Variants in PTPRG observed in about 807,000 individuals in gnomAD.
PTPRG encodes the protein receptor-type tyrosine-protein phosphatase gamma.
A neutral mutation model predicts 165.3 loss-of-function variants in PTPRG; 102 were observed. The ratio of observed to expected loss-of-function variants is 0.62; its 90% CI spans 0.53 to 0.73. The LOEUF (loss-of-function observed/expected upper bound fraction) is 0.73. PTPRG is among the 30% of genes least tolerant of loss of function. The pLI, the probability that PTPRG is intolerant of heterozygous loss-of-function variation, is 0.00. For synonymous variants in PTPRG, 675 were observed against 669.5 expected (o/e 1.01, Z -0.13); for missense variants, 1,866 against 1,861.4 (o/e 1.00, Z -0.05).
At chr3:61,938,986 T>C (rs115117363) in intron 2 of PTPRG, among the ~76,000 whole-genome samples, 74 of 152,334 alleles carry the variant, frequency 4.9e-4, no homozygotes, top group Admixed American at 9.8e-4. Context: ...TCAATCATAT[T>C]TGCTTGGGAT....
rs961842112 is a variant in PTPRG at position 62,292,316 on chromosome 3, A to C, written c.4056-105A>C. ...AGTCGTGTCTTTAGAGTAAATGTCA[A>C]AACAGTCTACTTAGTTTCTATGAAA... On this transcript the variant is annotated intron_variant, in intron 28 of 29. Transcript: ENST00000474889. 111 of 1,279,326 alleles carry C rather than the reference A, an allele frequency of 8.7e-5. 1 individual carries two copies. Among genetic ancestry groups the C allele is most frequent in the Non-Finnish European group, 1.1e-4 (99 of 926,492 alleles). The allele number at this position is 1,279,326 out of a possible 1,614,324, so 79.2% of individuals were successfully genotyped here.
At chr3:62,043,521 T>G (rs1352293266) in intron 4 of PTPRG, among the ~76,000 whole-genome samples, 5 of 152,198 alleles carry the variant, frequency 3.3e-5, no homozygotes, top group Non-Finnish European at 7.4e-5. Flanking sequence ...ACAAAGATAA[T>G]AAGAAGGCAA....
intron 2 of PTPRG, among the ~76,000 whole-genome samples, chr3:61,790,704 C>T (rs2034844683): frequency 6.6e-6 from 1 of 151,370 alleles, no homozygotes; most frequent in African/African-American, 2.4e-5. Context: ...AATTCTCAGT[C>T]TCAGAATCCC....
chr3:61,999,605 A>G (rs535030768), intron 3 of PTPRG, among the ~76,000 whole-genome samples: 2 of 152,190 alleles, frequency 1.3e-5, no homozygotes, highest in East Asian at 3.9e-4. Context: ...TTTTAGATTA[A>G]ATTTTATTTG....
intron 5 of PTPRG, among the ~76,000 whole-genome samples, chr3:62,126,369 A>C (rs763317150): frequency 7.2e-5 from 11 of 152,230 alleles, no homozygotes; most frequent in Non-Finnish European, 1.3e-4. Flanking sequence ...TGAATTAACT[A>C]GTTTCCATTA....
rs540949837 is a variant in PTPRG at position 61,683,483 on chromosome 3, C to G, written c.86-65395C>G. ...GTGGTTCCCATACTATTCAGTTAAC[C>G]AAGCAGCCAAATCCCTCTCTACACT... On this transcript the variant is annotated intron_variant, in intron 1 of 29. Coordinates refer to ENST00000474889, the MANE Select transcript of PTPRG (RefSeq NM_002841.4). Among the ~76,000 whole-genome samples the G allele has an allele frequency of 8.5e-5, 13 of 152,302 alleles. No individual in the cohort carries two copies. The South Asian group carries it at 2.7e-3, about 32-fold the overall frequency.
At chr3:61,960,250 G>A (rs1284652090) in intron 2 of PTPRG, among the ~76,000 whole-genome samples, 1 of 151,654 alleles carries the variant, frequency 6.6e-6, no homozygotes. Context: ...TATCCAGTAG[G>A]AGCCCCGTAA....
chr3:61,655,116 G>A (rs1702474336), intron 1 of PTPRG, among the ~76,000 whole-genome samples: 1 of 152,078 alleles, frequency 6.6e-6, no homozygotes, highest in Admixed American at 6.5e-5. Flanking sequence ...ATTGAGGTGT[G>A]CGGCAGGAGT....
chr3:61,728,931 A>G (rs1302931754), intron 1 of PTPRG, among the ~76,000 whole-genome samples: 1 of 151,556 alleles, frequency 6.6e-6, no homozygotes, highest in African/African-American at 2.4e-5. Context: ...ACATGGTGGC[A>G]TGTTCCTGTA....
intron 5 of PTPRG, among the ~76,000 whole-genome samples, chr3:62,083,381 A>G (rs911795823): frequency 3.3e-5 from 5 of 152,056 alleles, no homozygotes; most frequent in Non-Finnish European, 7.4e-5. Flanking sequence ...GATTACAGGC[A>G]TGAGCCACCG....
chr3:62,038,933 C>G (rs1257275017), intron 4 of PTPRG, among the ~76,000 whole-genome samples: 1 of 151,886 alleles, frequency 6.6e-6, no homozygotes, highest in South Asian at 2.1e-4. Context: ...TTTTCCTGAT[C>G]GGAGAGAGAT....
At chr3:62,049,541 T>A (rs1179486902) in intron 4 of PTPRG, among the ~76,000 whole-genome samples, 2 of 131,814 alleles carry the variant, frequency 1.5e-5, no homozygotes, top group Non-Finnish European at 3.2e-5. Flanking sequence ...AAGTGGTGGA[T>A]AGGATTTTCA....
At chr3:62,098,037 T>C (rs1161685541) in intron 5 of PTPRG, among the ~76,000 whole-genome samples, 1 of 152,210 alleles carries the variant, frequency 6.6e-6, no homozygotes, top group Admixed American at 6.5e-5. Context: ...CGAGGTTATC[T>C]TCATTAAGAA....
chr3:61,623,394 A>T (rs1454399406), intron 1 of PTPRG, among the ~76,000 whole-genome samples: 1 of 152,154 alleles, frequency 6.6e-6, no homozygotes, highest in Non-Finnish European at 1.5e-5. Flanking sequence ...AACACAGAGA[A>T]ATCGGGGGGA....
chr3:61,776,799 C>T (rs2034397354), intron 2 of PTPRG, among the ~76,000 whole-genome samples: 1 of 152,026 alleles, frequency 6.6e-6, no homozygotes, highest in South Asian at 2.1e-4. Flanking sequence ...TATTAAAGTC[C>T]TCCCTGTCTT....
At chr3:62,057,499 C>T (rs1700671229) in intron 4 of PTPRG, among the ~76,000 whole-genome samples, 1 of 152,242 alleles carries the variant, frequency 6.6e-6, no homozygotes, top group African/African-American at 2.4e-5. Flanking sequence ...CATGTCCGCA[C>T]ATCAGTCAGT....
chr3:62,050,366 T>G (rs1188384839), intron 4 of PTPRG, among the ~76,000 whole-genome samples: 1 of 152,224 alleles, frequency 6.6e-6, no homozygotes, highest in Non-Finnish European at 1.5e-5. Context: ...TTTACAGATT[T>G]GTAGCCTAGG....
intron 3 of PTPRG, among the ~76,000 whole-genome samples, chr3:61,992,963 G>C (rs566049226): frequency 2.2e-4 from 34 of 152,216 alleles, no homozygotes; most frequent in African/African-American, 8.2e-4. Flanking sequence ...CACCATGCTT[G>C]GCTATTCTGT....
At chr3:62,080,423 A>G (rs1029842593) in intron 5 of PTPRG, among the ~76,000 whole-genome samples, 1 of 151,950 alleles carries the variant, frequency 6.6e-6, no homozygotes, top group Non-Finnish European at 1.5e-5. Context: ...TAGAACTGGG[A>G]CCACACAAAC....
Sources: allele counts gnomAD v4.1 joint callset (sites outside exome capture counted in the v4.1 genomes callset), GRCh38; gene constraint gnomAD v4.1.1; transcripts MANE v1.5; gene names NCBI Gene and HGNC (gene_info 2026-07-23, HGNC 2026-07-21).